The following DAB1 variants were observed in gnomAD, a reference collection of about 807,000 sequenced individuals.
The protein encoded by DAB1 is DAB adaptor protein 1, also known as disabled homolog 1.
DAB1 carries 15 observed loss-of-function variants against 64.6 expected under a neutral mutation model. That is an observed-to-expected ratio of 0.23 (90% CI 0.16 to 0.36). The LOEUF (loss-of-function observed/expected upper bound fraction) is 0.36, where lower values mean the gene tolerates loss of function less well. Among genes scored for constraint, DAB1 ranks in the 10% least tolerant of loss-of-function variants. DAB1 has a pLI of 1.00. For missense variants in DAB1, 596 were observed against 706.7 expected (o/e 0.84, Z 1.78); for synonymous variants, 235 against 251.9 (o/e 0.93, Z 0.64).
intron 3 of DAB1, among the ~76,000 whole-genome samples, chr1:58,395,867 G>C (rs922388946): frequency 1.1e-4 from 16 of 152,144 alleles, no homozygotes; most frequent in Non-Finnish European, 2.1e-4. Flanking sequence ...TCTAAGTCGG[G>C]GAGGTGCTGA....
At position 57,602,093 on chromosome 1, in the gene DAB1, TA is replaced by T. The variant is rs576642801; in HGVS notation, n.625+47498del. 7.2e-5 allele frequency among the ~76,000 whole-genome samples: 11 copies of T among 152,222 alleles called. No individual in the cohort carries two copies. In the South Asian group the frequency reaches 1.7e-3, roughly 23 times the overall value. On this transcript the variant is annotated intron_variant and non_coding_transcript_variant, in intron 7 of 20. Coordinates refer to the DAB1 transcript ENST00000485760. ...ATTTTGAGACTCAAAATTCATTGCA[TA>T]AAAAAATAGGGTAAATAGTATTGTT...
At chr1:58,525,732 A>G (rs1306664880) in intron 2 of DAB1, among the ~76,000 whole-genome samples, 2 of 152,162 alleles carry the variant, frequency 1.3e-5, no homozygotes, top group Admixed American at 1.3e-4. Context: ...TCTAAAATGT[A>G]TATAGAAATG....
intron 7 of DAB1, among the ~76,000 whole-genome samples, chr1:57,590,021 G>T (rs1364239740): frequency 6.6e-6 from 1 of 152,106 alleles, no homozygotes; most frequent in African/African-American, 2.4e-5. Context: ...ATTTTAGTTT[G>T]CTAGAGATAT....
intron 1 of DAB1, among the ~76,000 whole-genome samples, chr1:57,415,794 T>A (rs569608600): frequency 6.6e-6 from 1 of 152,284 alleles, no homozygotes; most frequent in Admixed American, 6.5e-5. Context: ...TTATAGGTAC[T>A]GCTACACCAT....
intron 6 of DAB1, among the ~76,000 whole-genome samples, chr1:57,652,827 G>T (rs1646272635): frequency 6.6e-6 from 1 of 152,060 alleles, no homozygotes; most frequent in South Asian, 2.1e-4. Context: ...AACACTTAAT[G>T]AGTGTCTGAG....
At chr1:57,169,467 C>T (rs769269646) in intron 2 of DAB1, among the ~76,000 whole-genome samples, 24 of 152,280 alleles carry the variant, frequency 1.6e-4, no homozygotes, top group Non-Finnish European at 2.8e-4. Flanking sequence ...ACATAGCCAA[C>T]GGGAATTTAT....
chr1:57,774,408 A>G (rs1471349440), intron 6 of DAB1, among the ~76,000 whole-genome samples: 1 of 151,768 alleles, frequency 6.6e-6, no homozygotes, highest in African/African-American at 2.4e-5. Context: ...CTTTCTTTTC[A>G]GCCTTATGCC....
chr1:57,456,050 C>G (rs536820729), intron 7 of DAB1, among the ~76,000 whole-genome samples: 1 of 152,170 alleles, frequency 6.6e-6, no homozygotes, highest in Non-Finnish European at 1.5e-5. Flanking sequence ...CAAAAGCTAA[C>G]AGGATCCTTT....
At chr1:58,424,774 C>T (rs745699074) in intron 3 of DAB1, among the ~76,000 whole-genome samples, 36 of 151,978 alleles carry the variant, frequency 2.4e-4, no homozygotes, top group Non-Finnish European at 3.8e-4. Context: ...GATCAAGAAG[C>T]ATTTAAAAAA....
At chr1:57,422,652 C>G (rs577200929) in intron 1 of DAB1, among the ~76,000 whole-genome samples, 9 of 152,240 alleles carry the variant, frequency 5.9e-5, no homozygotes, top group Non-Finnish European at 1.3e-4. Flanking sequence ...GCCATTCCTT[C>G]AGACTCTCCC....
At chr1:57,290,820 T>A (rs532344798) in intron 2 of DAB1, 144 bp downstream of exon 2, 74 of 532,534 alleles carry the variant, frequency 1.4e-4, no homozygotes, top group Non-Finnish European at 2.2e-4. Flanking sequence ...ATTACATTAT[T>A]ATATTATTAA....
chr1:57,319,091 G>C (rs150849312), intron 1 of DAB1, among the ~76,000 whole-genome samples: 3 of 152,172 alleles, frequency 2.0e-5, no homozygotes, highest in Non-Finnish European at 4.4e-5. Flanking sequence ...CTCAGGGGTC[G>C]TGGCAGATCT....
At chr1:58,411,549 A>G (rs1644668804) in intron 3 of DAB1, among the ~76,000 whole-genome samples, 1 of 152,204 alleles carries the variant, frequency 6.6e-6, no homozygotes, top group Non-Finnish European at 1.5e-5. Flanking sequence ...GTGACCTCTA[A>G]GTGAGACATT....
chr1:57,208,413 C>T (rs1235366915), intron 2 of DAB1, among the ~76,000 whole-genome samples: 1 of 152,200 alleles, frequency 6.6e-6, no homozygotes, highest in African/African-American at 2.4e-5. Flanking sequence ...TGAGCATCTG[C>T]TCCCCTTTCA....
chr1:57,292,719 C>T (rs1173622655), intron 1 of DAB1, among the ~76,000 whole-genome samples: 1 of 151,998 alleles, frequency 6.6e-6, no homozygotes, highest in Non-Finnish European at 1.5e-5. Flanking sequence ...TTCATGTTAA[C>T]AGACATTTAC....
intron 2 of DAB1, among the ~76,000 whole-genome samples, chr1:58,514,630 T>A (rs766720254): frequency 1.8e-4 from 28 of 152,134 alleles, no homozygotes; most frequent in South Asian, 6.2e-4. Flanking sequence ...CATAGACATG[T>A]GATAGGTAAA....
rs373963522 is a variant in DAB1, at chr1:57,747,581, G to A, written n.552-97916C>T. Among the ~76,000 whole-genome samples, 419 of 151,916 alleles carry A rather than the reference G, an allele frequency of 2.8e-3. 4 individuals are homozygous for A. Among genetic ancestry groups the A allele is most frequent in the South Asian group, 0.021 (101 of 4,806 alleles). The stretch of plus-strand genomic sequence containing the variant: ...TCCCAGCACTTTGGGAGGCCGAGGC[G>A]GGTGGATCACAAGGTCAGGAGATCA... On this transcript the variant is annotated intron_variant and non_coding_transcript_variant, in intron 6 of 20. Coordinates refer to the DAB1 transcript ENST00000485760.
chr1:57,007,718 G>A (rs956226965), intron 14 of DAB1, among the ~76,000 whole-genome samples: 1 of 152,174 alleles, frequency 6.6e-6, no homozygotes, highest in African/African-American at 2.4e-5. Flanking sequence ...AACAGCTGGT[G>A]ATAATGGTTG....
At chr1:57,071,251 TAAC>T (rs1651431234) in intron 6 of DAB1, 190 bp from the exon 7 acceptor site, 1 of 664,110 alleles carries the variant, frequency 1.5e-6, no homozygotes, top group Non-Finnish European at 2.5e-6. Flanking sequence ...CCCGCACTGT[TAAC>T]AACAGCAAAA....
Sources: allele counts gnomAD v4.1 joint callset (sites outside exome capture counted in the v4.1 genomes callset), GRCh38; gene constraint gnomAD v4.1.1; transcripts MANE v1.5; gene names NCBI Gene and HGNC (gene_info 2026-07-23, HGNC 2026-07-21).